The following ANKS1B variants were observed in gnomAD, a reference collection of about 807,000 sequenced individuals.
The protein encoded by ANKS1B is ankyrin repeat and sterile alpha motif domain-containing protein 1B.
ANKS1B carries 36 observed loss-of-function variants against 148.3 expected under a neutral mutation model. That is an observed-to-expected ratio of 0.24 (90% confidence interval 0.19 to 0.32). The LOEUF (loss-of-function observed/expected upper bound fraction) is 0.32, where lower values mean the gene tolerates loss of function less well. Ranked by LOEUF, ANKS1B falls within the 10% of genes least tolerant of loss-of-function variation. The probability of loss-of-function intolerance (pLI) is 1.00; values close to 1 mark genes in which losing one functional copy is unlikely to be tolerated. For missense variants in ANKS1B, 1,157 were observed against 1,542.6 expected, an observed-to-expected ratio of 0.75 and a Z score of 4.19; for synonymous variants, 542 against 560.8, an observed-to-expected ratio of 0.97 and a Z score of 0.47.
intron 1 of ANKS1B, among the ~76,000 whole-genome samples, chr12:99,853,502 G>T (rs1365875768): frequency 1.3e-5 from 2 of 152,136 alleles, no homozygotes; most frequent in East Asian, 3.9e-4. Flanking sequence ...CTGCAGTTTG[G>T]CTCTCAGGAA....
At chr12:99,643,555 CTCCTTTCTATTCCATAAAGG>C (rs1464986186) in intron 9 of ANKS1B, among the ~76,000 whole-genome samples, 1 of 152,204 alleles carries the variant, frequency 6.6e-6, no homozygotes, top group African/African-American at 2.4e-5. Context: ...CCTCTGAGTC[CTCCTTTCTATTCCATAAAGG>C]TTAACTTATG....
intron 14 of ANKS1B, among the ~76,000 whole-genome samples, chr12:99,169,119 C>A (rs755042157): frequency 3.3e-5 from 5 of 152,016 alleles, no homozygotes; most frequent in African/African-American, 1.2e-4. Context: ...TTTTGCCAGG[C>A]GGTGGGGAGA....
intron 1 of ANKS1B, among the ~76,000 whole-genome samples, chr12:99,963,661 T>C (rs2095446641): frequency 6.6e-6 from 1 of 152,226 alleles, no homozygotes; most frequent in African/African-American, 2.4e-5. Context: ...TTTCTTTGCT[T>C]AGATTTATTT....
At chr12:99,519,063 T>C (rs1027266038) in intron 9 of ANKS1B, among the ~76,000 whole-genome samples, 6 of 152,156 alleles carry the variant, frequency 3.9e-5, no homozygotes, top group African/African-American at 1.4e-4. Context: ...ATTATATTTA[T>C]TCCATTTTGG....
Position 98,771,951 on chromosome 12 carries a change from G to C in ANKS1B, c.3579+1091C>G, listed in dbSNP as rs2098589153. ...GCTACTAGAGAAACTGACAGACATA[G>C]TGAGGGACAAGGAGGCTGTAAGACC... On this transcript the variant is annotated intron_variant, in intron 25 of 26. Coordinates refer to ENST00000683438, the MANE Select transcript of ANKS1B (RefSeq NM_001352186.2). Among the ~76,000 whole-genome samples, 3 of 152,202 alleles carry C rather than the reference G, an allele frequency of 2.0e-5. 1 individual carries two copies. In the South Asian group the frequency reaches 6.2e-4, roughly 31 times the overall value.
chr12:99,444,392 G>C (rs1163133821), intron 10 of ANKS1B, among the ~76,000 whole-genome samples: 3 of 151,904 alleles, frequency 2.0e-5, no homozygotes, highest in African/African-American at 7.2e-5. Flanking sequence ...TCCTAGATAA[G>C]TATAGCAACC....
intron 4 of ANKS1B, among the ~76,000 whole-genome samples, chr12:99,802,625 T>G (rs1271572030): frequency 6.6e-6 from 1 of 152,036 alleles, no homozygotes; most frequent in African/African-American, 2.4e-5. Flanking sequence ...TTTAAAAACA[T>G]ATGTAGGTCA....
At chr12:99,456,738 A>T (rs187488448) in intron 10 of ANKS1B, among the ~76,000 whole-genome samples, 361 of 152,052 alleles carry the variant, frequency 2.4e-3, no homozygotes, top group African/African-American at 7.1e-3. Context: ...TTTTTTTTTT[A>T]AAATGAACAA....
intron 8 of ANKS1B, among the ~76,000 whole-genome samples, chr12:99,766,525 T>C (rs1696611135): frequency 6.6e-6 from 1 of 152,086 alleles, no homozygotes; most frequent in Non-Finnish European, 1.5e-5. Context: ...TACATACGTG[T>C]GGTTAATGGT....
chr12:99,025,646 C>T (rs972962598), intron 17 of ANKS1B, among the ~76,000 whole-genome samples: 10 of 152,082 alleles, frequency 6.6e-5, no homozygotes, highest in South Asian at 4.2e-4. Context: ...CAAGGTCAGA[C>T]GGGAACCCCA....
In ANKS1B at chr12:99,761,236, G is replaced by GACACAC. The variant is rs147419547; in HGVS notation, c.1128+11680_1128+11685dup. 8.6e-3 allele frequency among the ~76,000 whole-genome samples: 1,280 copies of GACACAC among 149,350 alleles called. 21 individuals carry two copies. The highest frequency in any genetic ancestry group is 0.03 in the African/African-American group (1,211 of 40,760). ...CATCCTAATATCAAAACCTGGCAAA[G>GACACAC]ACACACACACACACACACAAAAGAA... On this transcript the variant is annotated intron_variant, in intron 8 of 26. Coordinates refer to ENST00000683438, the MANE Select transcript of ANKS1B (RefSeq NM_001352186.2).
chr12:99,416,667 A>G (rs1567059888), intron 11 of ANKS1B, among the ~76,000 whole-genome samples: 1 of 152,124 alleles, frequency 6.6e-6, no homozygotes, highest in Non-Finnish European at 1.5e-5. Context: ...ACGTCTCTTC[A>G]TGTCTTCTGC....
chr12:98,794,156 C>T (rs1414704475), intron 22 of ANKS1B, among the ~76,000 whole-genome samples: 2 of 152,034 alleles, frequency 1.3e-5, no homozygotes. Flanking sequence ...CTTTGGGAGG[C>T]CAAGGCGGGT....
Position 99,060,880 on chromosome 12 carries a change from T to C in ANKS1B, c.2626-7571A>G, listed in dbSNP as rs535176964. 3.3e-5 allele frequency among the ~76,000 whole-genome samples: 5 copies of C among 152,262 alleles called. No individual in the cohort carries two copies. In the South Asian group the frequency reaches 8.3e-4, roughly 25 times the overall value. On this transcript the variant is annotated intron_variant, in intron 16 of 26. Transcript: ENST00000683438. The stretch of plus-strand genomic sequence containing the variant: ...AATAAAAAGAGAGAGAAAGGTGATA[T>C]ACATTATAATAGCTTTGGGATTAAA...
intron 8 of ANKS1B, among the ~76,000 whole-genome samples, chr12:99,673,963 T>A: frequency 6.6e-6 from 1 of 151,810 alleles, no homozygotes. Context: ...AGTCTTTCTA[T>A]TTATAAGCAA....
At chr12:99,720,693 C>T (rs79104069) in intron 8 of ANKS1B, among the ~76,000 whole-genome samples, 4 of 152,114 alleles carry the variant, frequency 2.6e-5, no homozygotes, top group Admixed American at 2.0e-4. Flanking sequence ...CCTGTATGGA[C>T]GCTCCTTTTT....
intron 14 of ANKS1B, among the ~76,000 whole-genome samples, chr12:99,234,853 C>T (rs1360765162): frequency 2.0e-5 from 3 of 151,980 alleles, no homozygotes; most frequent in African/African-American, 4.8e-5. Flanking sequence ...TTGTTTATCA[C>T]ACCTCTAATT....
intron 9 of ANKS1B, among the ~76,000 whole-genome samples, chr12:99,505,824 T>A (rs1372707184): frequency 6.6e-6 from 1 of 151,918 alleles, no homozygotes; most frequent in Non-Finnish European, 1.5e-5. Flanking sequence ...AAACCCAAAG[T>A]AAGTTGAAAA....
chr12:99,494,840 G>A (rs1035083065), intron 10 of ANKS1B, among the ~76,000 whole-genome samples: 4 of 151,920 alleles, frequency 2.6e-5, no homozygotes, highest in African/African-American at 9.7e-5. Flanking sequence ...ATAGAAGATG[G>A]AGCCAACCTT....
Sources: gnomAD v4.1 joint callset for allele counts (sites outside exome capture counted in the v4.1 genomes callset) on GRCh38, gnomAD v4.1.1 for gene constraint, MANE v1.5 for transcripts, NCBI Gene and HGNC (gene_info 2026-07-23, HGNC 2026-07-21) for gene names.